SLCO4A1: variants seen among roughly 807,000 people sequenced by gnomAD.
The protein encoded by SLCO4A1 is solute carrier organic anion transporter family member 4A1.
SLCO4A1 carries 51 observed loss-of-function variants against 64.6 expected under a neutral mutation model. The observed-to-expected ratio is 0.79, with a 90% CI of 0.63 to 1.00. The LOEUF is 1.00. Ranked by LOEUF, SLCO4A1 falls within the 50% of genes least tolerant of loss-of-function variation. The probability of loss-of-function intolerance (pLI) is 0.00; values close to 1 mark genes in which losing one functional copy is unlikely to be tolerated. For synonymous variants in SLCO4A1, 471 were observed against 444.9 expected, an observed-to-expected ratio of 1.06 and a Z score of -0.74; for missense variants, 919 against 980.5, an observed-to-expected ratio of 0.94 and a Z score of 0.84.
chr20:62,660,618 G>A, intron 4 of SLCO4A1, 85 bp downstream of exon 4: 1 of 1,464,736 alleles, frequency 6.8e-7, no homozygotes. Context: ...TTCCTCTGCT[G>A]TCTTTTTCCC....
At chr20:62,690,185 T>C (rs1454175433), downstream of SLCO4A1, among the ~76,000 whole-genome samples, 1 of 152,206 alleles carries the variant, frequency 6.6e-6, no homozygotes, top group Non-Finnish European at 1.5e-5. Context: ...GCTTCCTGTG[T>C]GTCCTCCCAG....
intron 2 of SLCO4A1, among the ~76,000 whole-genome samples, chr20:62,677,653 T>C (rs909325264): frequency 1.3e-5 from 2 of 152,252 alleles, no homozygotes; most frequent in Non-Finnish European, 2.9e-5. Context: ...ACGGCCACAA[T>C]ATGTCCCATT....
intron 2 of SLCO4A1, among the ~76,000 whole-genome samples, chr20:62,680,798 A>G (rs1987791557): frequency 6.6e-6 from 1 of 152,194 alleles, no homozygotes; most frequent in African/African-American, 2.4e-5. Flanking sequence ...TTTTGTGTCT[A>G]CGTTCATGAA....
chr20:62,653,338 C>T (rs757055347), intron 1 of SLCO4A1, among the ~76,000 whole-genome samples: 7 of 152,190 alleles, frequency 4.6e-5, no homozygotes, highest in Non-Finnish European at 7.4e-5. Context: ...TCTCTCCAGA[C>T]GTAAAACAAG....
Position 62,656,934 on chromosome 20 carries a change from C to T in SLCO4A1, c.480C>T (p.Val160=). ...CCGCCTGCCTCTGCCTCACCTTCGTCAGCTACTTCGGGGGCTCAGGGCACA... is the reference window on the plus strand; with the variant it reads ...CCGCCTGCCTCTGCCTCACCTTCGTTAGCTACTTCGGGGGCTCAGGGCACA... The part of the protein sequence containing the change: ...DIAACLCLTF[V]SYFGGSGHKP... The change falls in exon 2 of 12, where the codon GTC becomes GTT. Residue 160 remains valine, a synonymous_variant. Coordinates refer to ENST00000217159, the MANE Select transcript of SLCO4A1 (RefSeq NM_016354.4). 1 of 1,564,568 alleles carries T rather than the reference C, an allele frequency of 6.4e-7. No homozygotes were observed.
chr20:62,666,533 C>G lies in SLCO4A1; in HGVS notation c.1430C>G (p.Pro477Arg). The G allele has an allele frequency of 6.2e-7, 1 of 1,613,296 alleles. No individual in the cohort carries two copies. The highest frequency in any genetic ancestry group is 1.3e-5 in the African/African-American group (1 of 75,072). ...LGILVFSLHC[P>R]SVPMAGVTAS... ...ATCCTCGTCTTCTCACTGCACTGCC[C>G]CAGTGTGCCCATGGCGGGCGTCACA... Residue 477 changes from proline to arginine, a missense_variant, in exon 7 of 12, where the codon CCC (proline) becomes CGC (arginine). Physicochemically the swap from Pro to Arg is moderately radical, Grantham distance 103. Transcript: ENST00000217159.
rs1251043237 is a variant in SLCO4A1 at position 62,671,746 on chromosome 20, C to T, written c.2026-4C>T. ...CGAGGTCCAGCGGGCTCCTCTCTCC[C>T]CAGGTGCTGGGCGTCCTCTTCTTTG... On this transcript the variant is annotated splice_region_variant and splice_polypyrimidine_tract_variant and intron_variant, in intron 11 of 11. Transcript: ENST00000217159. 2 of 1,612,370 alleles carry T rather than the reference C, an allele frequency of 1.2e-6. No homozygotes were observed. Among genetic ancestry groups the T allele is most frequent in the Admixed American group, 3.3e-5 (2 of 60,002 alleles).
At position 62,685,569 on chromosome 20, in the gene SLCO4A1, C is replaced by A. The variant is rs936019454; in HGVS notation, n.340C>A. On this transcript the variant is annotated non_coding_transcript_exon_variant, in exon 3 of 3. Coordinates refer to the SLCO4A1 transcript ENST00000466818. The surrounding 1 kb of genome is among the most constrained non-coding windows in gnomAD (Gnocchi z 4.6). The stretch of plus-strand genomic sequence containing the variant: ...GGCTTTCTGACAACGTCTTCCAGAG[C>A]AGGCTTTCTCTAGAGGGTGGACTGC... The A allele has an allele frequency of 8.6e-6, 4 of 463,746 alleles. No individual in the cohort carries two copies. Among genetic ancestry groups the A allele is most frequent in the Non-Finnish European group, 1.1e-5 (4 of 353,066 alleles). The allele number at this position is 463,746 out of a possible 1,614,324, so 28.7% of individuals were successfully genotyped here.
intron 5 of SLCO4A1, among the ~76,000 whole-genome samples, chr20:62,663,854 C>T (rs1985547746): frequency 6.6e-6 from 1 of 152,226 alleles, no homozygotes; most frequent in Admixed American, 6.5e-5. Context: ...TCGATCACTG[C>T]ACTGGCTGGG....
rs553013918 is a variant in SLCO4A1, at chr20:62,679,322, G to A, written n.212-6119G>A. On this transcript the variant is annotated intron_variant and non_coding_transcript_variant, in intron 2 of 2. Transcript: ENST00000466818. ...AGCTATCTGTGTCCTGACGGTGGAC[G>A]TGGTTCCACAAATCCATACATGTGT... Among the ~76,000 whole-genome samples the A allele has an allele frequency of 3.5e-4, 53 of 152,184 alleles. No individual in the cohort carries two copies. The Middle Eastern group carries it at 0.02, about 59-fold the overall frequency.
At chr20:62,688,238 G>A (rs1461610665), downstream of SLCO4A1, among the ~76,000 whole-genome samples, 2 of 152,212 alleles carry the variant, frequency 1.3e-5, no homozygotes, top group African/African-American at 4.8e-5. Flanking sequence ...CAGAGGGCAA[G>A]GAGGATCCCT....
At chr20:62,684,180 G>A (rs997650144) in intron 2 of SLCO4A1, among the ~76,000 whole-genome samples, 1 of 152,128 alleles carries the variant, frequency 6.6e-6, no homozygotes. Flanking sequence ...ACAGCAGTGG[G>A]AGGTCCAGGG....
chr20:62,659,193 C>A (rs138944074), intron 3 of SLCO4A1, among the ~76,000 whole-genome samples: 6 of 152,036 alleles, frequency 3.9e-5, no homozygotes, highest in Admixed American at 2.0e-4. Context: ...AGAGACAGAC[C>A]AATTCACAGA....
rs112474334 is a variant in SLCO4A1, at chr20:62,682,735, G to A, written n.212-2706G>A. On this transcript the variant is annotated intron_variant and non_coding_transcript_variant, in intron 2 of 2. Transcript: ENST00000466818. ...CCTAGCCCATCCTGAAGTGGGGGTC[G>A]AATCCTGGCTGTGCCACTTCCAAGT... Among the ~76,000 whole-genome samples, 1,034 of 152,272 alleles carry A rather than the reference G, an allele frequency of 6.8e-3. 15 individuals are homozygous for A. The highest frequency in any genetic ancestry group is 0.022 in the African/African-American group (920 of 41,552).
downstream of SLCO4A1, among the ~76,000 whole-genome samples, chr20:62,690,482 C>G (rs1361414442): frequency 6.6e-6 from 1 of 152,188 alleles, no homozygotes; most frequent in Non-Finnish European, 1.5e-5. Context: ...TCCACCGAGC[C>G]GCAGGCCAGA....
chr20:62,688,109 A>T (rs1988124849), downstream of SLCO4A1, among the ~76,000 whole-genome samples: 1 of 150,694 alleles, frequency 6.6e-6, no homozygotes, highest in Non-Finnish European at 1.5e-5. Flanking sequence ...TCTCAGCAGC[A>T]TAAGAGACCT....
intron 1 of SLCO4A1, chr20:62,643,039 AAGG>A (rs2147049972): frequency 2.1e-6 from 1 of 469,988 alleles, no homozygotes; most frequent in South Asian, 1.5e-5. Context: ...CTGCCGAGTC[AAGG>A]AGGAAACCTT....
chr20:62,667,709 C>T, intron 7 of SLCO4A1, 36 bp from the exon 8 acceptor site: 1 of 1,587,970 alleles, frequency 6.3e-7, no homozygotes, highest in Non-Finnish European at 8.6e-7. Flanking sequence ...ATGGCTCTGG[C>T]CTGGACCCTA....
At chr20:62,673,244 AAGGGAGTGCAGGAACAGACCCTAG>A (rs1000615663), downstream of SLCO4A1, among the ~76,000 whole-genome samples, 4 of 139,902 alleles carry the variant, frequency 2.9e-5, no homozygotes, top group South Asian at 2.3e-4. Flanking sequence ...GAGGTGACAG[AAGGGAGTGCAGGAACAGACCCTAG>A]AGGGAGTACA....
Sources: gnomAD v4.1 joint callset for allele counts (sites outside exome capture counted in the v4.1 genomes callset) on GRCh38, gnomAD v4.1.1 for gene constraint, Gnocchi (gnomAD v3.1) non-coding constraint, MANE v1.5 for transcripts, NCBI Gene and HGNC (gene_info 2026-07-23, HGNC 2026-07-21) for gene names.